SARDH: variants seen among roughly 807,000 people sequenced by gnomAD.
SARDH encodes sarcosine dehydrogenase, mitochondrial.
Under a neutral mutation model 109.1 loss-of-function variants are expected in SARDH, and 95 were observed. The observed-to-expected ratio is 0.87, with a 90% confidence interval of 0.74 to 1.03. SARDH has a LOEUF of 1.03. SARDH is among the 50% of genes least tolerant of loss of function. SARDH has a pLI of 0.00. For missense variants in SARDH, 1,267 were observed against 1,287.8 expected, an observed-to-expected ratio of 0.98 and a Z score of 0.25; for synonymous variants, 572 against 534.8, an observed-to-expected ratio of 1.07 and a Z score of -0.96.
chr9:133,660,622 C>G (rs1055498244), downstream of SARDH, among the ~76,000 whole-genome samples: 1 of 152,184 alleles, frequency 6.6e-6, no homozygotes, highest in East Asian at 1.9e-4. Context: ...GAGTTAGTTA[C>G]TTTCCTTCCC....
chr9:133,685,325 C>A, intron 16 of SARDH, 39 bp from the exon 17 acceptor site: 1 of 1,583,976 alleles, frequency 6.3e-7, no homozygotes, highest in South Asian at 1.1e-5. Flanking sequence ...AGCAAGTGCT[C>A]ACGGGTGGGG....
intron 13 of SARDH, among the ~76,000 whole-genome samples, chr9:133,700,781 C>T (rs777115362): frequency 7.9e-5 from 12 of 152,154 alleles, no homozygotes; most frequent in Non-Finnish European, 1.8e-4. Flanking sequence ...TATTTCCTTC[C>T]CCAGGTTTAC....
chr9:133,703,005 C>T lies in SARDH; in HGVS notation c.1579G>A (p.Ala527Thr). 1.9e-6 allele frequency: 3 copies of T among 1,613,458 alleles called. No homozygotes were observed. Among genetic ancestry groups the T allele is most frequent in the Non-Finnish European group, 2.5e-6 (3 of 1,179,976 alleles). The change falls in exon 13 of 21, where the codon GCT becomes ACT. Residue 527 changes from alanine to threonine, a missense_variant. By Grantham distance (58) the Ala-to-Thr change is moderately conservative. Transcript: ENST00000439388. ...TCCTCGTGCGCGCGGCTCCCGTAAG[C>T]CCCGTAGTAGTCGTACTCGAGGACC... The part of the protein sequence containing the change: ...APVLEYDYYG[A>T]YGSRAHEDYA...
In SARDH at chr9:133,726,779, C is replaced by T. The variant is rs150674800; in HGVS notation, c.915+2986G>A. On this transcript the variant is annotated intron_variant, in intron 6 of 20. Coordinates refer to ENST00000439388, the MANE Select transcript of SARDH (RefSeq NM_001134707.2). Reference sequence around the variant, plus strand: ...TCCCTGCCTGATTGCTCCTGCCCTCCGTGTTCTCTTCCTCCGAAGCGCCAG... The same window carrying T: ...TCCCTGCCTGATTGCTCCTGCCCTCTGTGTTCTCTTCCTCCGAAGCGCCAG... 6.0e-3 allele frequency among the ~76,000 whole-genome samples: 910 copies of T among 152,294 alleles called. 12 individuals are homozygous for T. The highest frequency in any genetic ancestry group is 8.3e-3 in the African/African-American group (344 of 41,558).
intron 15 of SARDH, 104 bp from the exon 16 acceptor site, chr9:133,690,631 T>C: frequency 7.5e-7 from 1 of 1,341,246 alleles, no homozygotes; most frequent in Non-Finnish European, 1.0e-6. Flanking sequence ...AAATGCCCTC[T>C]CAGGGGCCTG....
chr9:133,671,517 T>C lies in SARDH; in HGVS notation c.2326+18A>G, dbSNP rs28604501. Reference sequence around the variant, plus strand: ...CTGCGCCCGCCCCCGCCCCGTGCTGTCCAGACCCTGCACTCACCTTTCTCA... The same window carrying C: ...CTGCGCCCGCCCCCGCCCCGTGCTGCCCAGACCCTGCACTCACCTTTCTCA... On this transcript the variant is annotated intron_variant, in intron 18 of 20. Transcript: ENST00000439388. 2.7e-3 allele frequency: 4,326 copies of C among 1,593,316 alleles called. 134 individuals carry two copies. In the African/African-American group the frequency reaches 0.05, roughly 18 times the overall value.
rs1272879436 is a variant in SARDH, at chr9:133,709,466, T to A, written c.1329-1038A>T. Among the ~76,000 whole-genome samples the A allele has an allele frequency of 6.6e-6, 1 of 151,752 alleles. No individual in the cohort carries two copies. The highest frequency in any genetic ancestry group is 1.5e-5 in the Non-Finnish European group (1 of 67,960). ...CCCCCGGCTTTCCCAGCACCCCGCC[T>A]CCCCCTCACGCTCCACCTGCTAGAA... On this transcript the variant is annotated intron_variant, in intron 10 of 20. Coordinates refer to ENST00000439388, the MANE Select transcript of SARDH (RefSeq NM_001134707.2). The surrounding 1 kb of genome is among the most constrained non-coding windows in gnomAD (Gnocchi z 4.2).
Position 133,696,287 on chromosome 9 carries a change from C to T in SARDH, c.1743G>A (p.Leu581=). 1 of 1,614,184 alleles carries T rather than the reference C, an allele frequency of 6.2e-7. No individual in the cohort carries two copies. The highest frequency in any genetic ancestry group is 1.7e-5 in the Admixed American group (1 of 60,024). Residue 581 remains leucine (L), a synonymous_variant, in exon 14 of 21, where the codon CTG becomes CTA. Transcript: ENST00000439388. ...FDMSYFGKFY[L]VGLDARKAAD... Reference sequence around the variant, plus strand: ...CAGCCTTCCTTGCATCCAGCCCCACCAGGTAGAACTTCCCGAAGTAGGACA... The same window carrying T: ...CAGCCTTCCTTGCATCCAGCCCCACTAGGTAGAACTTCCCGAAGTAGGACA...
At position 133,719,428 on chromosome 9, in the gene SARDH, AG is replaced by A. The variant is rs1177178677; in HGVS notation, c.916-387del. Among the ~76,000 whole-genome samples, 1,392 of 152,220 alleles carry A rather than the reference AG, an allele frequency of 9.1e-3. 18 individuals carry two copies. The highest frequency in any genetic ancestry group is 0.031 in the African/African-American group (1,295 of 41,526). The stretch of plus-strand genomic sequence containing the variant: ...CTGGAGGACGCAGAGTGGATGGAGG[AG>A]GGGTGAGACTTAGCTGGGGCTGGAG... On this transcript the variant is annotated intron_variant, in intron 6 of 20. Coordinates refer to ENST00000439388, the MANE Select transcript of SARDH (RefSeq NM_001134707.2).
intron 4 of SARDH, among the ~76,000 whole-genome samples, chr9:133,730,845 C>T (rs1373698267): frequency 2.0e-5 from 3 of 151,976 alleles, no homozygotes; most frequent in African/African-American, 4.8e-5. Context: ...GGAGTGGTGG[C>T]GGGTGCCTGT....
intron 13 of SARDH, among the ~76,000 whole-genome samples, chr9:133,696,665 T>C (rs1461504311): frequency 6.6e-6 from 1 of 152,040 alleles, no homozygotes; most frequent in African/African-American, 2.4e-5. Context: ...TAGAAATCAA[T>C]AGCAGAAGAA....
intron 11 of SARDH, among the ~76,000 whole-genome samples, chr9:133,705,913 A>G (rs1418921312): frequency 6.6e-6 from 1 of 152,144 alleles, no homozygotes; most frequent in African/African-American, 2.4e-5. Flanking sequence ...CTGCATGAGG[A>G]CAGTGAGAAG....
At chr9:133,733,720 C>A (rs1049716950) in intron 2 of SARDH, 123 bp downstream of exon 2, 10 of 1,004,280 alleles carry the variant, frequency 1.0e-5, no homozygotes, top group Non-Finnish European at 1.1e-5. Context: ...GCCATGCACC[C>A]TTCCCCAGGG....
intron 20 of SARDH, among the ~76,000 whole-genome samples, chr9:133,665,699 G>T (rs1038584778): frequency 6.6e-6 from 1 of 152,228 alleles, no homozygotes; most frequent in Non-Finnish European, 1.5e-5. Flanking sequence ...CTTGCCCGAG[G>T]CCTGGCGGTG....
At position 133,693,417 on chromosome 9, in the gene SARDH, G is replaced by T. The variant is rs1831171218; in HGVS notation, c.1921+841C>A. ...ACATTTGCCAGCAGCACGGAGTCAG[G>T]TCAAGAACCAGGAGATGCCAGGTTT... On this transcript the variant is annotated intron_variant, in intron 15 of 20. Coordinates refer to ENST00000439388, the MANE Select transcript of SARDH (RefSeq NM_001134707.2). This position sits in a 1 kb window ranked among gnomAD's most constrained non-coding sequence, Gnocchi z 5.6. Among the ~76,000 whole-genome samples the T allele has an allele frequency of 6.6e-6, 1 of 152,212 alleles. No homozygotes were observed. The highest frequency in any genetic ancestry group is 2.4e-5 in the African/African-American group (1 of 41,456).
intron 7 of SARDH, among the ~76,000 whole-genome samples, chr9:133,717,744 G>A (rs112795168): frequency 4.8e-5 from 7 of 146,486 alleles, no homozygotes; most frequent in East Asian, 4.3e-4. Flanking sequence ...TGCAGCTCAC[G>A]ATGGCCCCAA....
At position 133,670,878 on chromosome 9, in the gene SARDH, C is replaced by T. The variant is rs1039038967; in HGVS notation, c.2327-126G>A. 3.0e-6 allele frequency: 4 copies of T among 1,339,126 alleles called. No individual in the cohort carries two copies. The Admixed American group carries it at 1.3e-4, about 43-fold the overall frequency. The allele number at this position is 1,339,126 out of a possible 1,614,324, so 83.0% of individuals were successfully genotyped here. A position where few individuals can be genotyped will look rare whatever the true frequency, so the allele number is the denominator to read the frequency against. On this transcript the variant is annotated intron_variant, in intron 18 of 20. Transcript: ENST00000439388. Reference sequence around the variant, plus strand: ...AGCCACACTCTCAGAGCTGCTTAGTCACCTGGGCAGGAGGCAGGGGCATCC... The same window carrying T: ...AGCCACACTCTCAGAGCTGCTTAGTTACCTGGGCAGGAGGCAGGGGCATCC...
Position 133,663,736 on chromosome 9 carries a change from C to T in SARDH, c.*153G>A, listed in dbSNP as rs901836103. The T allele has an allele frequency of 1.5e-5, 16 of 1,051,614 alleles. No homozygotes were observed. Among genetic ancestry groups the T allele is most frequent in the Middle Eastern group, 3.3e-4 (1 of 3,076 alleles). The allele number at this position is 1,051,614 out of a possible 1,614,324, so 65.1% of individuals were successfully genotyped here. On this transcript the variant is annotated 3_prime_UTR_variant, in exon 21 of 21. Coordinates refer to ENST00000439388, the MANE Select transcript of SARDH (RefSeq NM_001134707.2). ...AGGATGGGCCATCTTGGTCTCTGTC[C>T]GTATCTGGTTTGGGGGTTTTCGCAG...
In SARDH at chr9:133,717,307, C is replaced by A. The variant is rs991980255; in HGVS notation, c.1150+19G>T. 3 of 1,613,456 alleles carry A rather than the reference C, an allele frequency of 1.9e-6. No homozygotes were observed. In the Admixed American group the frequency reaches 5.0e-5, roughly 27 times the overall value. ...AAGGACCCATGGACGCCCACCCCAG[C>A]TCCGAGGCTGTCACTCACCAGGGCC... On this transcript the variant is annotated intron_variant, in intron 8 of 20. Transcript: ENST00000439388.
Sources: gnomAD v4.1 joint callset for allele counts (sites outside exome capture counted in the v4.1 genomes callset) on GRCh38, gnomAD v4.1.1 for gene constraint, Gnocchi (gnomAD v3.1) non-coding constraint, MANE v1.5 for transcripts, NCBI Gene and HGNC (gene_info 2026-07-23, HGNC 2026-07-21) for gene names.